PLA2G12A: variants seen among roughly 807,000 people sequenced by gnomAD.
PLA2G12A encodes the protein group XIIA secretory phospholipase A2.
Under a neutral mutation model 16.0 loss-of-function variants are expected in PLA2G12A, and 11 were observed. The ratio of observed to expected loss-of-function variants is 0.69; its 90% CI spans 0.43 to 1.13. The LOEUF (loss-of-function observed/expected upper bound fraction) is 1.13, where lower values mean the gene tolerates loss of function less well. PLA2G12A is among the 50% of genes most tolerant of loss of function. The pLI is 0.00. For synonymous variants in PLA2G12A, 77 were observed against 93.8 expected (o/e 0.82, Z 1.03); for missense variants, 214 against 237.3 (o/e 0.90, Z 0.65).
At position 109,710,509 on chromosome 4, in the gene PLA2G12A, A is replaced by G. The variant is rs886138966; in HGVS notation, c.*3868T>C. ...AAGACAGAGTCTTATTCTGACGCCT[A>G]TGCTGGAGTGCAGCAGTGCAATCTC... On this transcript the variant is annotated 3_prime_UTR_variant, in exon 4 of 4. Coordinates refer to ENST00000243501, the MANE Select transcript of PLA2G12A (RefSeq NM_030821.5). The G allele has an allele frequency of 6.6e-6, 1 of 152,224 alleles. No homozygotes were observed. Among genetic ancestry groups the G allele is most frequent in the African/African-American group, 2.4e-5 (1 of 41,450 alleles). The allele number at this position is 152,224 out of a possible 1,614,324, so 9.4% of individuals were successfully genotyped here. A position where few individuals can be genotyped will look rare whatever the true frequency, so the allele number is the denominator to read the frequency against.
At chr4:109,718,829 C>T in intron 1 of PLA2G12A, 70 bp from the exon 2 acceptor site, 5 of 955,434 alleles carry the variant, frequency 5.2e-6, no homozygotes, top group Non-Finnish European at 7.9e-6. Flanking sequence ...TCAAAAAGGT[C>T]AATATGCTAC....
chr4:109,714,239 C>T lies in PLA2G12A; in HGVS notation c.*138G>A. ...CACTTTTTTTGCTTTGAGGTTTTAACATCAAGATATAAATTATTTTAAGGT... is the reference window on the plus strand; with the variant it reads ...CACTTTTTTTGCTTTGAGGTTTTAATATCAAGATATAAATTATTTTAAGGT... On this transcript the variant is annotated 3_prime_UTR_variant, in exon 4 of 4. Transcript: ENST00000243501. 1 of 721,338 alleles carries T rather than the reference C, an allele frequency of 1.4e-6. No homozygotes were observed. Among genetic ancestry groups the T allele is most frequent in the South Asian group, 1.7e-5 (1 of 58,106 alleles). 44.7% of individuals were successfully genotyped at this position (721,338 alleles called of 1,614,324 possible).
chr4:109,717,485 C>T (rs1730847985), intron 3 of PLA2G12A, 63 bp downstream of exon 3: 27 of 1,491,796 alleles, frequency 1.8e-5, no homozygotes, highest in Non-Finnish European at 2.4e-5. Flanking sequence ...TATACTAAAA[C>T]ATAGAGCATT....
Position 109,730,039 on chromosome 4 carries a change from C to T in PLA2G12A, c.-230G>A, listed in dbSNP as rs1217397595. The T allele has an allele frequency of 6.4e-6, 3 of 469,250 alleles. No homozygotes were observed. The highest frequency in any genetic ancestry group is 5.7e-4 in the Middle Eastern group (1 of 1,762). 29.1% of individuals were successfully genotyped at this position (469,250 alleles called of 1,614,324 possible). A position where few individuals can be genotyped will look rare whatever the true frequency, so the allele number is the denominator to read the frequency against. ...GCCCGCTCACCTGGACCAGCGCGCC[C>T]GCTCACCTGGGCCAGCAACCGTCCC... On this transcript the variant is annotated 5_prime_UTR_variant, in exon 1 of 4. Transcript: ENST00000243501.
chr4:109,711,053 CTTTTTTTTT>C lies in PLA2G12A; in HGVS notation c.*3315_*3323del, dbSNP rs67674001. The stretch of plus-strand genomic sequence containing the variant: ...AGAGCTGCTGACAGTTAGTTCTTGC[CTTTTTTTTT>C]TTTTTTTTTTTTTTGCTCTTTTAAT... On this transcript the variant is annotated 3_prime_UTR_variant, in exon 4 of 4. Coordinates refer to ENST00000243501, the MANE Select transcript of PLA2G12A (RefSeq NM_030821.5). The C allele has an allele frequency of 1.7e-5, 1 of 57,238 alleles. No individual in the cohort carries two copies. The highest frequency in any genetic ancestry group is 3.1e-5 in the Non-Finnish European group (1 of 32,250). 3.5% of individuals were successfully genotyped at this position (57,238 alleles called of 1,614,324 possible). A position where few individuals can be genotyped will look rare whatever the true frequency, so the allele number is the denominator to read the frequency against.
At chr4:109,722,472 G>A (rs2126167967) in intron 1 of PLA2G12A, among the ~76,000 whole-genome samples, 1 of 152,334 alleles carries the variant, frequency 6.6e-6, no homozygotes, top group African/African-American at 2.4e-5. Context: ...AATGGAATTT[G>A]TGCCCTATAA....
At chr4:109,726,762 G>T (rs1018801227) in intron 1 of PLA2G12A, among the ~76,000 whole-genome samples, 2 of 152,004 alleles carry the variant, frequency 1.3e-5, no homozygotes, top group African/African-American at 4.8e-5. Context: ...AGAAAATAAC[G>T]GATCATCAAA....
At chr4:109,715,841 A>G (rs1730820728) in intron 3 of PLA2G12A, among the ~76,000 whole-genome samples, 1 of 152,238 alleles carries the variant, frequency 6.6e-6, no homozygotes, top group Non-Finnish European at 1.5e-5. Flanking sequence ...TTATTCTAAG[A>G]AACCTGAAAC....
At chr4:109,720,845 T>G (rs974451354) in intron 1 of PLA2G12A, among the ~76,000 whole-genome samples, 1 of 151,260 alleles carries the variant, frequency 6.6e-6, no homozygotes, top group African/African-American at 2.4e-5. Flanking sequence ...GAGGCAGGTG[T>G]ATCACCTGAG....
At chr4:109,725,855 G>A (rs935782977) in intron 1 of PLA2G12A, among the ~76,000 whole-genome samples, 9 of 152,168 alleles carry the variant, frequency 5.9e-5, no homozygotes, top group Admixed American at 5.9e-4. Context: ...GCAGAGTTTT[G>A]TAAGATTCCA....
At position 109,711,154 on chromosome 4, in the gene PLA2G12A, A is replaced by G. The variant is rs1730721649; in HGVS notation, c.*3223T>C. The G allele has an allele frequency of 6.8e-6, 1 of 147,418 alleles. No individual in the cohort carries two copies. Among genetic ancestry groups the G allele is most frequent in the Admixed American group, 7.0e-5 (1 of 14,364 alleles). 9.1% of individuals were successfully genotyped at this position (147,418 alleles called of 1,614,324 possible). On this transcript the variant is annotated 3_prime_UTR_variant, in exon 4 of 4. Transcript: ENST00000243501. ...TAAACATATGCCACAAAATTTTGGGACAAATTTTGAGTTGAAGACGGCAGT... is the reference window on the plus strand; with the variant it reads ...TAAACATATGCCACAAAATTTTGGGGCAAATTTTGAGTTGAAGACGGCAGT...
chr4:109,729,207 T>G (rs1355191245), intron 1 of PLA2G12A, among the ~76,000 whole-genome samples: 1 of 152,214 alleles, frequency 6.6e-6, no homozygotes, highest in Non-Finnish European at 1.5e-5. Context: ...TTTTAAATTC[T>G]CAGTTTGCTT....
chr4:109,712,697 A>G lies in PLA2G12A; in HGVS notation c.*1680T>C, dbSNP rs1232809259. On this transcript the variant is annotated 3_prime_UTR_variant, in exon 4 of 4. Coordinates refer to ENST00000243501, the MANE Select transcript of PLA2G12A (RefSeq NM_030821.5). ...TTTTTAGTAGAGACGCTGTTTCACC[A>G]TGTTGGCCAGCTGGTCTCAAACTCC... 1 of 152,108 alleles carries G rather than the reference A, an allele frequency of 6.6e-6. No homozygotes were observed. Among genetic ancestry groups the G allele is most frequent in the Non-Finnish European group, 1.5e-5 (1 of 68,044 alleles). The allele number at this position is 152,108 out of a possible 1,614,324, so 9.4% of individuals were successfully genotyped here. A position where few individuals can be genotyped will look rare whatever the true frequency, so the allele number is the denominator to read the frequency against.
intron 1 of PLA2G12A, among the ~76,000 whole-genome samples, chr4:109,724,711 G>C (rs1352615375): frequency 6.6e-6 from 1 of 152,172 alleles, no homozygotes; most frequent in Admixed American, 6.5e-5. Flanking sequence ...GGAGAGTAAA[G>C]AGGAAGAGAT....
rs1730732095 is a variant in PLA2G12A, at chr4:109,711,644, G to C, written c.*2733C>G. 1 of 152,110 alleles carries C rather than the reference G, an allele frequency of 6.6e-6. No individual in the cohort carries two copies. The highest frequency in any genetic ancestry group is 2.4e-5 in the African/African-American group (1 of 41,428). The allele number at this position is 152,110 out of a possible 1,614,324, so 9.4% of individuals were successfully genotyped here. On this transcript the variant is annotated 3_prime_UTR_variant, in exon 4 of 4. Coordinates refer to ENST00000243501, the MANE Select transcript of PLA2G12A (RefSeq NM_030821.5). ...GAGGGAGAAACAAATTTTCCATATA[G>C]AAAAATTCCAAATACTACATATGGA...
At position 109,714,085 on chromosome 4, in the gene PLA2G12A, T is replaced by C. The variant is rs1222850189; in HGVS notation, c.*292A>G. On this transcript the variant is annotated 3_prime_UTR_variant, in exon 4 of 4. Coordinates refer to ENST00000243501, the MANE Select transcript of PLA2G12A (RefSeq NM_030821.5). ...TGAAAATTGAGTTATATATTCCTCT[T>C]TTCAAAATTCTCCGCTAAACAAGCA... The C allele has an allele frequency of 1.4e-5, 4 of 287,766 alleles. No individual in the cohort carries two copies. Among genetic ancestry groups the C allele is most frequent in the Non-Finnish European group, 2.6e-5 (4 of 152,200 alleles). 17.8% of individuals were successfully genotyped at this position (287,766 alleles called of 1,614,324 possible).
chr4:109,729,222 T>C (rs1011075385), intron 1 of PLA2G12A, among the ~76,000 whole-genome samples: 1 of 152,222 alleles, frequency 6.6e-6, no homozygotes, highest in African/African-American at 2.4e-5. Flanking sequence ...TTGCTTCGCA[T>C]GTTCATCCAA....
At chr4:109,716,399 T>C (rs1452273709) in intron 3 of PLA2G12A, among the ~76,000 whole-genome samples, 1 of 152,246 alleles carries the variant, frequency 6.6e-6, no homozygotes, top group Non-Finnish European at 1.5e-5. Context: ...CCTACCTCTT[T>C]AGGTTTTTGT....
chr4:109,717,876 A>G (rs925602161), intron 2 of PLA2G12A, among the ~76,000 whole-genome samples, 163 bp from the exon 3 acceptor site: 9 of 152,180 alleles, frequency 5.9e-5, no homozygotes, highest in Admixed American at 5.9e-4. Flanking sequence ...AAATCTCCCC[A>G]TTACACTTAC....
Sources: allele counts gnomAD v4.1 joint callset (sites outside exome capture counted in the v4.1 genomes callset), GRCh38; gene constraint gnomAD v4.1.1; transcripts MANE v1.5; gene names NCBI Gene and HGNC (gene_info 2026-07-23, HGNC 2026-07-21).